Variants in ELAVL2 observed in about 807,000 individuals in gnomAD.
The protein encoded by ELAVL2 is ELAV-like protein 2.
Under a neutral mutation model 34.6 loss-of-function variants are expected in ELAVL2, and 4 were observed. The observed-to-expected ratio is 0.12, with a 90% confidence interval of 0.06 to 0.26. The LOEUF (loss-of-function observed/expected upper bound fraction) is 0.26, where lower values mean the gene tolerates loss of function less well. Among genes scored for constraint, ELAVL2 ranks in the 10% least tolerant of loss-of-function variants. The pLI is 1.00. For synonymous variants in ELAVL2, 193 were observed against 154.8 expected (o/e 1.25, Z -1.83); for missense variants, 432 against 442.8 (o/e 0.98, Z 0.22).
intron 3 of ELAVL2, among the ~76,000 whole-genome samples, chr9:23,718,891 T>G (rs929783876): frequency 6.6e-6 from 1 of 152,164 alleles, no homozygotes; most frequent in Non-Finnish European, 1.5e-5. Flanking sequence ...TCTCCAAGTA[T>G]CTATTAGACA....
chr9:23,761,302 C>T (rs2135990813), intron 2 of ELAVL2, among the ~76,000 whole-genome samples: 1 of 152,134 alleles, frequency 6.6e-6, no homozygotes, highest in Non-Finnish European at 1.5e-5. Flanking sequence ...AAAACAACTC[C>T]TGCAGGAAGC....
At chr9:23,796,632 T>A in intron 1 of ELAVL2, among the ~76,000 whole-genome samples, 3 of 152,366 alleles carry the variant, frequency 2.0e-5, no homozygotes, top group Middle Eastern at 6.8e-3. Context: ...ATAAGTAAGA[T>A]ATCTAGAGTT....
chr9:23,705,927 G>C (rs1454940818), intron 3 of ELAVL2, among the ~76,000 whole-genome samples: 1 of 152,038 alleles, frequency 6.6e-6, no homozygotes, highest in East Asian at 1.9e-4. Context: ...GAACATTTTT[G>C]TTTTCTAGCC....
rs2056873927 is a variant in ELAVL2 at position 23,769,212 on chromosome 9, C to G, written c.-15-6963G>C. Among the ~76,000 whole-genome samples the G allele has an allele frequency of 3.9e-5, 6 of 152,144 alleles. No homozygotes were observed. In the South Asian group the frequency reaches 1.2e-3, roughly 32 times the overall value. On this transcript the variant is annotated intron_variant, in intron 1 of 6. Transcript: ENST00000397312. ...GCCAAACATACAAAACACAAACAAA[C>G]AAACAAAAAACAAAACCAGGCATCA...
At chr9:23,808,838 T>C (rs1588703776) in intron 1 of ELAVL2, among the ~76,000 whole-genome samples, 1 of 152,132 alleles carries the variant, frequency 6.6e-6, no homozygotes, top group Non-Finnish European at 1.5e-5. Context: ...TTAAGGAGTC[T>C]GAACTATAAC....
intron 3 of ELAVL2, among the ~76,000 whole-genome samples, chr9:23,716,490 G>A (rs533369280): frequency 9.2e-5 from 14 of 151,878 alleles, no homozygotes; most frequent in Admixed American, 6.6e-5. Flanking sequence ...AAAACAAAAC[G>A]AAAAACCTCC....
chr9:23,716,571 ACT>A, intron 3 of ELAVL2, among the ~76,000 whole-genome samples: 1 of 152,134 alleles, frequency 6.6e-6, no homozygotes, highest in East Asian at 1.9e-4. Context: ...GCAGGTCTTC[ACT>A]GTCTCTTATA....
intron 3 of ELAVL2, among the ~76,000 whole-genome samples, chr9:23,718,000 G>A (rs918362442): frequency 2.0e-5 from 3 of 152,006 alleles, no homozygotes; most frequent in African/African-American, 7.2e-5. Context: ...CCTTTGTTTT[G>A]TGGGCAAGGT....
intron 2 of ELAVL2, among the ~76,000 whole-genome samples, chr9:23,751,007 A>T (rs1461014009): frequency 6.6e-6 from 1 of 152,168 alleles, no homozygotes; most frequent in Non-Finnish European, 1.5e-5. Flanking sequence ...TGACTTTCTC[A>T]GTATTAAGTC....
At chr9:23,849,014 C>T in the ELAVL2 span, among the ~76,000 whole-genome samples, 1 of 151,722 alleles carries the variant, frequency 6.6e-6, no homozygotes, top group East Asian at 1.9e-4. Flanking sequence ...AAGTGCAAAA[C>T]AGGCCAAACA....
At chr9:23,812,182 G>A (rs1564564955) in intron 1 of ELAVL2, among the ~76,000 whole-genome samples, 1 of 151,976 alleles carries the variant, frequency 6.6e-6, no homozygotes, top group African/African-American at 2.4e-5. Flanking sequence ...AGGAATATGA[G>A]GTAAAGGGCA....
At chr9:23,831,337 A>C (rs1588892500), upstream of ELAVL2, 12 of 141,522 alleles carry the variant, frequency 8.5e-5, no homozygotes, top group East Asian at 2.1e-4. Flanking sequence ...TCCCCCTCTC[A>C]CTCTCCTGGC....
intron 1 of ELAVL2, among the ~76,000 whole-genome samples, chr9:23,771,958 G>A (rs1428176784): frequency 1.3e-5 from 2 of 152,148 alleles, no homozygotes; most frequent in Admixed American, 1.3e-4. Flanking sequence ...TCCAACCTAA[G>A]TGGACCCAAT....
the ELAVL2 span, among the ~76,000 whole-genome samples, chr9:23,839,584 C>G: frequency 1.3e-4 from 20 of 152,138 alleles, no homozygotes; most frequent in Non-Finnish European, 2.2e-4. Flanking sequence ...TAAAATTGCA[C>G]AGTCCACACT....
chr9:23,844,547 C>A, the ELAVL2 span, among the ~76,000 whole-genome samples: 2 of 151,998 alleles, frequency 1.3e-5, no homozygotes, highest in East Asian at 3.9e-4. Context: ...AACAAAGGAT[C>A]GTGGTAGTAT....
At chr9:23,761,025 A>AG (rs2054860382) in intron 2 of ELAVL2, among the ~76,000 whole-genome samples, 1 of 152,090 alleles carries the variant, frequency 6.6e-6, no homozygotes, top group Non-Finnish European at 1.5e-5. Flanking sequence ...AATGGAAACC[A>AG]GAAGTCTAGG....
intron 1 of ELAVL2, among the ~76,000 whole-genome samples, chr9:23,781,463 C>T (rs2059044276): frequency 6.6e-6 from 1 of 151,854 alleles, no homozygotes; most frequent in African/African-American, 2.4e-5. Flanking sequence ...ATATTTAAGC[C>T]ACCAAAACAT....
At position 23,816,400 on chromosome 9, in the gene ELAVL2, G is replaced by T. The variant is rs920681062; in HGVS notation, c.-16+9406C>A. Reference sequence around the variant, plus strand: ...GTTTATTGCTTTGATATTTATAAAAGATTTTTGTGATATCCTATTAACATA... The same window carrying T: ...GTTTATTGCTTTGATATTTATAAAATATTTTTGTGATATCCTATTAACATA... On this transcript the variant is annotated intron_variant, in intron 1 of 6. Transcript: ENST00000397312. Among the ~76,000 whole-genome samples the T allele has an allele frequency of 2.4e-5, 3 of 126,966 alleles. No individual in the cohort carries two copies. In the Admixed American group the frequency reaches 2.5e-4, roughly 11 times the overall value. The allele number at this position is 126,966 out of a possible 152,430, so 83.3% of individuals were successfully genotyped here. A position where few individuals can be genotyped will look rare whatever the true frequency, so the allele number is the denominator to read the frequency against.
At chr9:23,766,717 A>C (rs1441098262) in intron 1 of ELAVL2, among the ~76,000 whole-genome samples, 1 of 152,102 alleles carries the variant, frequency 6.6e-6, no homozygotes, top group African/African-American at 2.4e-5. Flanking sequence ...CCTTTATGGG[A>C]AGTTATAAAT....
Sources: gnomAD v4.1 joint callset for allele counts (sites outside exome capture counted in the v4.1 genomes callset) on GRCh38, gnomAD v4.1.1 for gene constraint, MANE v1.5 for transcripts, NCBI Gene and HGNC (gene_info 2026-07-23, HGNC 2026-07-21) for gene names.